ARHGAP32: variants seen among roughly 807,000 people sequenced by gnomAD.
ARHGAP32 encodes Rho GTPase activating protein 32, also known as rho GTPase-activating protein 32.
In ARHGAP32, 51 loss-of-function variants were observed where a neutral mutation model predicts 186.5. The ratio of observed to expected loss-of-function variants is 0.27; its 90% CI spans 0.22 to 0.35. The LOEUF (loss-of-function observed/expected upper bound fraction) is 0.35, where lower values mean the gene tolerates loss of function less well. Among genes scored for constraint, ARHGAP32 ranks in the 10% least tolerant of loss-of-function variants. The probability of loss-of-function intolerance (pLI) is 1.00; values close to 1 mark genes in which losing one functional copy is unlikely to be tolerated. For missense variants in ARHGAP32, 2,186 were observed against 2,623.5 expected (o/e 0.83, Z 3.64); for synonymous variants, 950 against 964.3 (o/e 0.99, Z 0.27).
At chr11:129,058,285 G>A (rs1591575876) in intron 10 of ARHGAP32, among the ~76,000 whole-genome samples, 1 of 144,360 alleles carries the variant, frequency 6.9e-6, no homozygotes, top group Non-Finnish European at 1.5e-5. Context: ...GTGATTATTT[G>A]CCCCCATCCA....
intron 1 of ARHGAP32, among the ~76,000 whole-genome samples, chr11:129,164,833 A>G (rs1366877295): frequency 1.3e-5 from 2 of 152,166 alleles, no homozygotes; most frequent in African/African-American, 4.8e-5. Context: ...TCTGGTTCCA[A>G]TCAATGGAGC....
intron 15 of ARHGAP32, among the ~76,000 whole-genome samples, chr11:128,982,891 TAAAAA>T (rs34630708): frequency 0.029 from 1,946 of 66,414 alleles, 24 homozygotes; most frequent in Middle Eastern, 0.066. Flanking sequence ...ACCTTGTCTT[TAAAAA>T]AAAAAAAAAA....
intron 1 of ARHGAP32, among the ~76,000 whole-genome samples, chr11:129,237,207 T>C (rs1452215729): frequency 6.6e-6 from 1 of 152,226 alleles, no homozygotes; most frequent in Non-Finnish European, 1.5e-5. Context: ...TGGTCTGTAG[T>C]CTTCTTTTTT....
At chr11:129,114,915 T>C (rs1942322177) in intron 5 of ARHGAP32, among the ~76,000 whole-genome samples, 1 of 152,142 alleles carries the variant, frequency 6.6e-6, no homozygotes, top group Non-Finnish European at 1.5e-5. Context: ...TCTTTCTCCA[T>C]ATGGAGAATG....
At chr11:129,055,108 C>T (rs1161236822) in intron 10 of ARHGAP32, among the ~76,000 whole-genome samples, 1 of 152,196 alleles carries the variant, frequency 6.6e-6, no homozygotes, top group Non-Finnish European at 1.5e-5. Flanking sequence ...ACATAGCCTC[C>T]TTTAAACATT....
chr11:129,248,378 T>C (rs1366001347), intron 1 of ARHGAP32, among the ~76,000 whole-genome samples: 1 of 152,182 alleles, frequency 6.6e-6, no homozygotes, highest in Non-Finnish European at 1.5e-5. Context: ...CGATGCAGTG[T>C]TTTTATTTAT....
At chr11:129,241,085 T>C (rs1945011012) in intron 1 of ARHGAP32, among the ~76,000 whole-genome samples, 1 of 152,212 alleles carries the variant, frequency 6.6e-6, no homozygotes, top group South Asian at 2.1e-4. Flanking sequence ...ATTTTTTCAC[T>C]CATAAAATGG....
chr11:129,203,775 G>A (rs574557901), intron 1 of ARHGAP32, among the ~76,000 whole-genome samples: 2 of 149,076 alleles, frequency 1.3e-5, no homozygotes, highest in Admixed American at 6.7e-5. Context: ...GGTGGTGCAC[G>A]CCTGTAATCT....
chr11:129,236,343 G>C (rs1349937536), intron 1 of ARHGAP32, among the ~76,000 whole-genome samples: 1 of 151,990 alleles, frequency 6.6e-6, no homozygotes, highest in Non-Finnish European at 1.5e-5. Context: ...TTTTTCCATA[G>C]GCTTGTTAGA....
Position 128,973,289 on chromosome 11 carries a change from A to G in ARHGAP32, c.3217T>C (p.Leu1073=), listed in dbSNP as rs1945445652. 1 of 1,614,188 alleles carries G rather than the reference A, an allele frequency of 6.2e-7. No homozygotes were observed. The highest frequency in any genetic ancestry group is 8.5e-7 in the Non-Finnish European group (1 of 1,180,038). The change falls in exon 22 of 23, where the codon TTG becomes CTG. Residue 1073 remains leucine (L), a synonymous_variant. Coordinates refer to ENST00000682385, the MANE Select transcript of ARHGAP32 (RefSeq NM_001378024.1). ...ESAQQASTQS[L]KRPGTSQAGY... is the part of the protein sequence containing the mutation. ...GCCTGAGAGGTCCCTGGTCTCTTCAATGACTGAGTTGAGGCTTGCTGTGCG... is the reference window on the plus strand; with the variant it reads ...GCCTGAGAGGTCCCTGGTCTCTTCAGTGACTGAGTTGAGGCTTGCTGTGCG...
intron 10 of ARHGAP32, among the ~76,000 whole-genome samples, chr11:129,053,628 T>C (rs1940140146): frequency 6.6e-6 from 1 of 152,210 alleles, no homozygotes; most frequent in Admixed American, 6.5e-5. Context: ...TTTAACCCTT[T>C]ATGCTTTAGT....
chr11:129,224,929 T>G (rs962479817), intron 1 of ARHGAP32, among the ~76,000 whole-genome samples: 1 of 151,942 alleles, frequency 6.6e-6, no homozygotes, highest in Non-Finnish European at 1.5e-5. Context: ...CTGGACAACA[T>G]AGCAAGACTC....
At chr11:129,190,466 C>T (rs868280060) in intron 1 of ARHGAP32, among the ~76,000 whole-genome samples, 3 of 152,184 alleles carry the variant, frequency 2.0e-5, no homozygotes, top group Non-Finnish European at 4.4e-5. Context: ...GAGAAATGCC[C>T]TATGGTATCA....
chr11:129,143,088 T>TATATATATAA lies in ARHGAP32; in HGVS notation c.226-18195_226-18194insTTATATATAT, dbSNP rs886102587. On this transcript the variant is annotated intron_variant, in intron 2 of 22. Transcript: ENST00000682385. ...GTAAAACTGCATATATATATATATA[T>TATATATATAA]AATCAACTGAATAAACGAGATTTTG... 3.8e-3 allele frequency among the ~76,000 whole-genome samples: 568 copies of TATATATATAA among 149,070 alleles called. 11 individuals are homozygous for TATATATATAA. The highest frequency in any genetic ancestry group is 0.014 in the Middle Eastern group (4 of 290).
At chr11:129,111,691 T>C (rs1250724644) in intron 5 of ARHGAP32, among the ~76,000 whole-genome samples, 1 of 152,188 alleles carries the variant, frequency 6.6e-6, no homozygotes. Flanking sequence ...TGTATAGTTG[T>C]TCATGACAGT....
chr11:129,044,469 A>G lies in ARHGAP32; in HGVS notation c.964-3460T>C, dbSNP rs571494591. Among the ~76,000 whole-genome samples the G allele has an allele frequency of 2.6e-5, 4 of 152,300 alleles. No individual in the cohort carries two copies. In the South Asian group the frequency reaches 6.2e-4, roughly 24 times the overall value. ...GCAGTAAGATATAAATAACTCCCAC[A>G]AGCTTAGCGTTCCAATAATGGAACA... On this transcript the variant is annotated intron_variant, in intron 10 of 22. Coordinates refer to ENST00000682385, the MANE Select transcript of ARHGAP32 (RefSeq NM_001378024.1).
At chr11:129,127,359 A>C (rs983776618) in intron 2 of ARHGAP32, among the ~76,000 whole-genome samples, 6 of 152,216 alleles carry the variant, frequency 3.9e-5, no homozygotes, top group African/African-American at 1.4e-4. Context: ...ACGGTCCAAA[A>C]AGCTTCAGAG....
chr11:129,057,701 T>TAAAA (rs34991638), intron 10 of ARHGAP32, among the ~76,000 whole-genome samples: 2 of 130,220 alleles, frequency 1.5e-5, no homozygotes, highest in Non-Finnish European at 3.4e-5. Flanking sequence ...TAGCGTTTGA[T>TAAAA]AAAAAAAAAA....
chr11:129,169,553 C>A (rs920481928), intron 1 of ARHGAP32, among the ~76,000 whole-genome samples: 8 of 148,520 alleles, frequency 5.4e-5, no homozygotes, highest in Non-Finnish European at 1.0e-4. Flanking sequence ...ATGGCGTGAA[C>A]CCGGGAGGTG....
Sources: gnomAD v4.1 joint callset for allele counts (sites outside exome capture counted in the v4.1 genomes callset) on GRCh38, gnomAD v4.1.1 for gene constraint, MANE v1.5 for transcripts, NCBI Gene and HGNC (gene_info 2026-07-23, HGNC 2026-07-21) for gene names.